The following NRXN3 variants were observed in gnomAD, a reference collection of about 807,000 sequenced individuals.
The protein encoded by NRXN3 is neurexin 3.
Under a neutral mutation model 137.6 loss-of-function variants are expected in NRXN3, and 32 were observed. The observed-to-expected ratio is 0.23, with a 90% confidence interval of 0.18 to 0.31. The LOEUF (loss-of-function observed/expected upper bound fraction) is 0.31, where lower values mean the gene tolerates loss of function less well. NRXN3 is among the 10% of genes least tolerant of loss of function. NRXN3 has a pLI of 1.00. For synonymous variants in NRXN3, 798 were observed against 784.5 expected, an observed-to-expected ratio of 1.02 and a Z score of -0.29; for missense variants, 1,574 against 2,062.5, an observed-to-expected ratio of 0.76 and a Z score of 4.59.
At chr14:78,754,124 C>A (rs575424564) in intron 8 of NRXN3, among the ~76,000 whole-genome samples, 2 of 152,102 alleles carry the variant, frequency 1.3e-5, no homozygotes, top group Non-Finnish European at 2.9e-5. Context: ...GTTTGTAGTT[C>A]GAGGTTAGGC....
chr14:79,148,397 C>G (rs1396283655), intron 15 of NRXN3, among the ~76,000 whole-genome samples: 3 of 152,298 alleles, frequency 2.0e-5, no homozygotes, highest in East Asian at 3.9e-4. Context: ...AAATCAGATA[C>G]AGAGCCAAGC....
chr14:78,627,600 ATC>A (rs2097479066), intron 4 of NRXN3, among the ~76,000 whole-genome samples: 1 of 152,180 alleles, frequency 6.6e-6, no homozygotes, highest in South Asian at 2.1e-4. Flanking sequence ...GGAATTAGGA[ATC>A]TAACATCCTG....
At chr14:78,334,319 A>T (rs1426005484) in intron 4 of NRXN3, among the ~76,000 whole-genome samples, 1 of 152,154 alleles carries the variant, frequency 6.6e-6, no homozygotes, top group African/African-American at 2.4e-5. Flanking sequence ...CACTTTCCAG[A>T]ATCACTTCTT....
rs376373590 is a variant in NRXN3 at position 79,699,728 on chromosome 14, A to G, written c.4014+1791A>G. ...ACCTATGGCCATTTTAGAGGAGATG[A>G]ACAACTGGGAATGCCTTCTCCAATA... On this transcript the variant is annotated intron_variant, in intron 19 of 20. Coordinates refer to ENST00000335750, the MANE Select transcript of NRXN3 (RefSeq NM_001330195.2). Among the ~76,000 whole-genome samples, 7 of 152,160 alleles carry G rather than the reference A, an allele frequency of 4.6e-5. 1 individual carries two copies. In the East Asian group the frequency reaches 7.8e-4, roughly 17 times the overall value.
chr14:78,726,196 C>CT (rs987088029), intron 8 of NRXN3, among the ~76,000 whole-genome samples: 5 of 151,978 alleles, frequency 3.3e-5, no homozygotes, highest in Admixed American at 6.6e-5. Context: ...TATTTTGTTC[C>CT]TTTTTTTATT....
intron 1 of NRXN3, among the ~76,000 whole-genome samples, chr14:78,173,757 C>T (rs2058996659): frequency 8.9e-6 from 1 of 112,868 alleles, no homozygotes; most frequent in South Asian, 3.2e-4. Flanking sequence ...GCCTTTCCTA[C>T]ATGCCACACG....
intron 16 of NRXN3, among the ~76,000 whole-genome samples, chr14:79,613,866 G>A (rs2098128987): frequency 6.6e-6 from 1 of 152,238 alleles, no homozygotes; most frequent in Admixed American, 6.5e-5. Context: ...ATGCCAGGAA[G>A]TTGGTAGCTG....
chr14:78,544,415 A>G (rs1310400311), intron 4 of NRXN3, among the ~76,000 whole-genome samples: 1 of 152,238 alleles, frequency 6.6e-6, no homozygotes, highest in Non-Finnish European at 1.5e-5. Flanking sequence ...CACCATGGAC[A>G]TCAAAGTGAA....
intron 1 of NRXN3, among the ~76,000 whole-genome samples, chr14:78,222,088 A>G (rs2063908940): frequency 6.6e-6 from 1 of 152,028 alleles, no homozygotes; most frequent in Non-Finnish European, 1.5e-5. Flanking sequence ...GATACTGTCT[A>G]CTCTGCTCCC....
chr14:78,382,311 G>T (rs866594144), intron 4 of NRXN3, among the ~76,000 whole-genome samples: 2 of 152,170 alleles, frequency 1.3e-5, no homozygotes, highest in Non-Finnish European at 2.9e-5. Context: ...GTGGAAGAGA[G>T]GATTTGTGGG....
intron 16 of NRXN3, among the ~76,000 whole-genome samples, chr14:79,482,346 C>T (rs2096616954): frequency 6.6e-6 from 1 of 152,144 alleles, no homozygotes; most frequent in Non-Finnish European, 1.5e-5. Flanking sequence ...ATATATTTTG[C>T]AACAGCAGTT....
chr14:79,452,004 C>A (rs972660005), intron 15 of NRXN3, among the ~76,000 whole-genome samples: 5 of 152,108 alleles, frequency 3.3e-5, no homozygotes, highest in African/African-American at 4.8e-5. Context: ...TTGCCACAAC[C>A]TATGTGGCCC....
intron 15 of NRXN3, among the ~76,000 whole-genome samples, chr14:79,408,153 G>A (rs1163169380): frequency 2.6e-5 from 4 of 152,058 alleles, no homozygotes; most frequent in East Asian, 1.9e-4. Flanking sequence ...GCATGTGCCC[G>A]GCATGTAAGG....
intron 15 of NRXN3, among the ~76,000 whole-genome samples, chr14:79,308,765 T>C (rs2086594223): frequency 6.6e-6 from 1 of 151,182 alleles, no homozygotes; most frequent in Admixed American, 6.6e-5. Flanking sequence ...AAGAACGCAA[T>C]TGAGAGCAAA....
At chr14:78,814,080 A>G (rs1477516996) in intron 10 of NRXN3, among the ~76,000 whole-genome samples, 1 of 152,172 alleles carries the variant, frequency 6.6e-6, no homozygotes, top group Non-Finnish European at 1.5e-5. Context: ...CTCCAAGAAT[A>G]CCACACCATA....
At chr14:79,251,376 A>T (rs2075902797) in intron 15 of NRXN3, among the ~76,000 whole-genome samples, 1 of 152,138 alleles carries the variant, frequency 6.6e-6, no homozygotes, top group African/African-American at 2.4e-5. Context: ...TCTAGTTTAG[A>T]TAGGGAGAGG....
chr14:79,121,433 C>T (rs150666654), intron 15 of NRXN3, among the ~76,000 whole-genome samples: 123 of 152,298 alleles, frequency 8.1e-4, no homozygotes, highest in African/African-American at 2.8e-3. Flanking sequence ...TACATGAATA[C>T]CTTGCAGCCT....
chr14:78,523,816 C>CAAAAAAAAAAAAAAAAAAAAAAAAAAAA, intron 4 of NRXN3, among the ~76,000 whole-genome samples: 1 of 61,578 alleles, frequency 1.6e-5, no homozygotes, highest in Non-Finnish European at 2.6e-5. Flanking sequence ...GACTCTGTCT[C>CAAAAAAAAAAAAAAAAAAAAAAAAAAAA]AAAAAAAAAA....
chr14:79,792,352 T>C (rs1261869877), intron 19 of NRXN3, among the ~76,000 whole-genome samples: 1 of 152,222 alleles, frequency 6.6e-6, no homozygotes, highest in African/African-American at 2.4e-5. Context: ...TTCTGTTTTA[T>C]TGATTTCTGT....
Sources: gnomAD v4.1 joint callset for allele counts (sites outside exome capture counted in the v4.1 genomes callset) on GRCh38, gnomAD v4.1.1 for gene constraint, MANE v1.5 for transcripts, NCBI Gene and HGNC (gene_info 2026-07-23, HGNC 2026-07-21) for gene names.